Variants in ASCC1 observed in about 807,000 individuals in gnomAD.
ASCC1 encodes ASC-1 complex subunit P50.
A neutral mutation model predicts 46.6 loss-of-function variants in ASCC1; 35 were observed. The observed-to-expected ratio is 0.75, with a 90% CI of 0.57 to 0.99. The LOEUF (loss-of-function observed/expected upper bound fraction) is 0.99, where lower values mean the gene tolerates loss of function less well. Ranked by LOEUF, ASCC1 falls within the 50% of genes least tolerant of loss-of-function variation. The probability of loss-of-function intolerance (pLI) is 0.00; values close to 1 mark genes in which losing one functional copy is unlikely to be tolerated. For synonymous variants in ASCC1, 143 were observed against 146.6 expected (o/e 0.98, Z 0.18); for missense variants, 376 against 428.7 (o/e 0.88, Z 1.09).
chr10:72,172,931 T>C (rs1165186043), intron 5 of ASCC1, among the ~76,000 whole-genome samples: 1 of 138,026 alleles, frequency 7.2e-6, no homozygotes, highest in African/African-American at 2.7e-5. Flanking sequence ...ATATATTATA[T>C]ATTTTATATT....
At chr10:72,177,741 C>T (rs1194564397) in intron 5 of ASCC1, among the ~76,000 whole-genome samples, 1 of 152,144 alleles carries the variant, frequency 6.6e-6, no homozygotes, top group Non-Finnish European at 1.5e-5. Flanking sequence ...GAGAGATATA[C>T]AAGGTTGTAA....
At chr10:72,150,488 T>C (rs957673140) in intron 7 of ASCC1, among the ~76,000 whole-genome samples, 11 of 152,186 alleles carry the variant, frequency 7.2e-5, no homozygotes, top group Non-Finnish European at 1.3e-4. Context: ...TTCCAGTGCA[T>C]GTGGGGCTCT....
chr10:72,213,060 G>A (rs1393546298), intron 2 of ASCC1, 127 bp downstream of exon 2: 2 of 696,816 alleles, frequency 2.9e-6, no homozygotes, highest in Non-Finnish European at 5.2e-6. Flanking sequence ...CATAAATGGA[G>A]CTATATGAGG....
At chr10:72,128,999 T>C (rs1270042435) in intron 8 of ASCC1, among the ~76,000 whole-genome samples, 1 of 152,230 alleles carries the variant, frequency 6.6e-6, no homozygotes, top group Non-Finnish European at 1.5e-5. Flanking sequence ...AAAATACTTA[T>C]TTCCACATTT....
chr10:72,146,224 T>C (rs1248384742), intron 7 of ASCC1, among the ~76,000 whole-genome samples: 1 of 152,174 alleles, frequency 6.6e-6, no homozygotes, highest in Non-Finnish European at 1.5e-5. Context: ...ATGGCTGCCA[T>C]CTGCCTCTTG....
At chr10:72,106,752 A>T (rs1842386112) in intron 9 of ASCC1, among the ~76,000 whole-genome samples, 1 of 152,180 alleles carries the variant, frequency 6.6e-6, no homozygotes, top group Non-Finnish European at 1.5e-5. Context: ...AATTGCTATG[A>T]TATAAACCAG....
At chr10:72,189,235 C>T (rs780156184) in intron 5 of ASCC1, among the ~76,000 whole-genome samples, 15 of 148,910 alleles carry the variant, frequency 1.0e-4, no homozygotes, top group Non-Finnish European at 2.2e-4. Context: ...CCCATCTCTA[C>T]TAAAAATACA....
chr10:72,149,297 G>T lies in ASCC1; in HGVS notation c.746+3572C>A, dbSNP rs1344153619. Among the ~76,000 whole-genome samples the T allele has an allele frequency of 3.3e-5, 5 of 152,044 alleles. No homozygotes were observed. In the East Asian group the frequency reaches 9.7e-4, roughly 29 times the overall value. ...ACTAAAAATACAAAAAATTAGCCAG[G>T]CGTGGTGGCGGGTGCCTGTAGTCTC... On this transcript the variant is annotated intron_variant, in intron 7 of 9. Coordinates refer to ENST00000672957, the MANE Select transcript of ASCC1 (RefSeq NM_001198800.3).
intron 4 of ASCC1, among the ~76,000 whole-genome samples, chr10:72,202,001 G>C (rs1284605161): frequency 1.3e-5 from 2 of 151,238 alleles, no homozygotes; most frequent in Admixed American, 6.6e-5. Flanking sequence ...TGTAATTCCA[G>C]CACCTTGGAA....
chr10:72,139,860 A>C (rs1200010528), intron 7 of ASCC1, among the ~76,000 whole-genome samples: 1 of 152,208 alleles, frequency 6.6e-6, no homozygotes, highest in Non-Finnish European at 1.5e-5. Flanking sequence ...ATAAAAACTA[A>C]GCAAAGATGG....
chr10:72,179,513 T>C (rs745308902), intron 5 of ASCC1, among the ~76,000 whole-genome samples: 1 of 152,196 alleles, frequency 6.6e-6, no homozygotes, highest in African/African-American at 2.4e-5. Context: ...CCTAGGACTG[T>C]CAACTATTTG....
intron 5 of ASCC1, among the ~76,000 whole-genome samples, chr10:72,173,245 C>T (rs73274945): frequency 0.024 from 3,590 of 152,106 alleles, 75 homozygotes; most frequent in Middle Eastern, 0.099. Flanking sequence ...TATTCCATTG[C>T]TCTTTCTTCC....
At chr10:72,139,570 T>C (rs1208887527) in intron 7 of ASCC1, among the ~76,000 whole-genome samples, 3 of 152,248 alleles carry the variant, frequency 2.0e-5, no homozygotes, top group Non-Finnish European at 4.4e-5. Flanking sequence ...TAAGCAGCTT[T>C]ATCACTTAGA....
At chr10:72,173,894 A>G (rs1851545545) in intron 5 of ASCC1, among the ~76,000 whole-genome samples, 1 of 152,214 alleles carries the variant, frequency 6.6e-6, no homozygotes, top group African/African-American at 2.4e-5. Context: ...ATCTTACTCC[A>G]TTAGGTTGGC....
intron 5 of ASCC1, among the ~76,000 whole-genome samples, chr10:72,163,965 T>C (rs1478051272): frequency 6.6e-6 from 1 of 152,132 alleles, no homozygotes; most frequent in Non-Finnish European, 1.5e-5. Flanking sequence ...TTACTTTATA[T>C]TTATTTTTAT....
At chr10:72,158,037 G>A (rs1245761960) in intron 6 of ASCC1, among the ~76,000 whole-genome samples, 2 of 152,142 alleles carry the variant, frequency 1.3e-5, no homozygotes, top group African/African-American at 4.8e-5. Context: ...CTTGGAATTA[G>A]ATGGGGTACT....
At chr10:72,169,175 C>T (rs1415600410) in intron 5 of ASCC1, among the ~76,000 whole-genome samples, 1 of 152,162 alleles carries the variant, frequency 6.6e-6, no homozygotes, top group African/African-American at 2.4e-5. Context: ...CAGGACAGGG[C>T]GGGTTGCCTC....
At chr10:72,103,778 CCGAA>C in intron 9 of ASCC1, among the ~76,000 whole-genome samples, 1 of 152,196 alleles carries the variant, frequency 6.6e-6, no homozygotes, top group South Asian at 2.1e-4. Flanking sequence ...AGAAAAGAAT[CCGAA>C]CAAACAGGCC....
At chr10:72,185,484 C>T (rs970544146) in intron 5 of ASCC1, among the ~76,000 whole-genome samples, 1 of 152,120 alleles carries the variant, frequency 6.6e-6, no homozygotes, top group Non-Finnish European at 1.5e-5. Flanking sequence ...TAAAAAGCAG[C>T]AAACTCCTAT....
Sources: allele counts gnomAD v4.1 joint callset (sites outside exome capture counted in the v4.1 genomes callset), GRCh38; gene constraint gnomAD v4.1.1; transcripts MANE v1.5; gene names NCBI Gene and HGNC (gene_info 2026-07-23, HGNC 2026-07-21).